The following TEX14 variants were observed in gnomAD, a reference collection of about 807,000 sequenced individuals.
TEX14 encodes testis expressed 14, intercellular bridge forming factor.
TEX14 carries 168 observed loss-of-function variants against 178.6 expected under a neutral mutation model. The observed-to-expected ratio is 0.94, with a 90% CI of 0.83 to 1.07. TEX14 has a LOEUF of 1.07. Among genes scored for constraint, TEX14 ranks in the 50% least tolerant of loss-of-function variants. The probability of loss-of-function intolerance (pLI) is 0.00; values close to 1 mark genes in which losing one functional copy is unlikely to be tolerated. For missense variants in TEX14, 1,730 were observed against 1,753.6 expected (o/e 0.99, Z 0.24); for synonymous variants, 626 against 634.1 (o/e 0.99, Z 0.19).
rs1439145962 is a variant in TEX14 at position 58,622,860 on chromosome 17, T to A, written c.404A>T (p.Glu135Val). Residue 135 changes from glutamate to valine, a missense_variant, in exon 4 of 32, where the codon GAG becomes GTG. Glu to Val is a moderately radical substitution (Grantham distance 121). Coordinates refer to ENST00000349033, the MANE Select transcript of TEX14 (RefSeq NM_031272.5). ...PKTWALTAGK[E>V]RSTQIVEFMQ... ...ACCCACCCTTACCTGGGTGCTACGC[T>A]CCTTTCCTGCTGTCAAAGCCCAAGT... 4 of 1,609,764 alleles carry A rather than the reference T, an allele frequency of 2.5e-6. No individual in the cohort carries two copies. In the South Asian group the frequency reaches 4.4e-5, roughly 18 times the overall value.
chr17:58,631,962 C>T (rs1418262421), intron 2 of TEX14: 1 of 152,194 alleles, frequency 6.6e-6, no homozygotes, highest in Non-Finnish European at 1.5e-5. Context: ...AACGATCTTT[C>T]CACTACCAAA....
chr17:58,630,218 G>T (rs984264196), intron 3 of TEX14, among the ~76,000 whole-genome samples: 1 of 148,462 alleles, frequency 6.7e-6, no homozygotes, highest in African/African-American at 2.4e-5. Context: ...CACCACGCCT[G>T]GCTAATTTTT....
chr17:58,605,211 A>G (rs1598379514), intron 10 of TEX14, 82 bp from the exon 11 acceptor site: 1 of 1,484,454 alleles, frequency 6.7e-7, no homozygotes, highest in Non-Finnish European at 9.1e-7. Flanking sequence ...TCTTTCATTC[A>G]TTCAGAGTCT....
At chr17:58,638,144 AGCCACTGC>A (rs1351317037) in intron 2 of TEX14, among the ~76,000 whole-genome samples, 1 of 151,732 alleles carries the variant, frequency 6.6e-6, no homozygotes, top group Admixed American at 6.6e-5. Context: ...TACAGGTGTG[AGCCACTGC>A]GCCTGGCCTG....
chr17:58,612,040 T>C (rs1052772829), intron 9 of TEX14, among the ~76,000 whole-genome samples: 7 of 152,054 alleles, frequency 4.6e-5, no homozygotes, highest in Non-Finnish European at 1.0e-4. Context: ...AAAACCTAAA[T>C]ACTCCAAGAG....
At chr17:58,563,658 T>TATAG (rs1351647352) in intron 28 of TEX14, among the ~76,000 whole-genome samples, 26 of 17,446 alleles carry the variant, frequency 1.5e-3, no homozygotes, top group East Asian at 3.9e-3. Context: ...TATATATATA[T>TATAG]AGAGAGAGAG....
chr17:58,676,944 C>T (rs553453644), intron 1 of TEX14, among the ~76,000 whole-genome samples: 1 of 152,172 alleles, frequency 6.6e-6, no homozygotes, highest in East Asian at 1.9e-4. Flanking sequence ...TGGCGAAACC[C>T]CGTCTCTACT....
intron 17 of TEX14, 135 bp downstream of exon 17, chr17:58,587,446 A>G: frequency 1.9e-6 from 1 of 531,400 alleles, no homozygotes; most frequent in Non-Finnish European, 3.2e-6. Context: ...AAATATAATA[A>G]AAGAAAAAAA....
At chr17:58,570,181 CAT>C (rs2044488712) in intron 25 of TEX14, among the ~76,000 whole-genome samples, 1 of 151,286 alleles carries the variant, frequency 6.6e-6, no homozygotes, top group African/African-American at 2.4e-5. Flanking sequence ...AAAAAAAGTA[CAT>C]GAGGTTAAAA....
intron 8 of TEX14, among the ~76,000 whole-genome samples, chr17:58,614,089 G>A (rs1445964369): frequency 6.6e-6 from 1 of 152,234 alleles, no homozygotes; most frequent in Non-Finnish European, 1.5e-5. Flanking sequence ...CAATGACAAT[G>A]TGGCCAAGAG....
chr17:58,583,988 T>C (rs1401268096), intron 19 of TEX14, among the ~76,000 whole-genome samples: 2 of 152,130 alleles, frequency 1.3e-5, no homozygotes, highest in Non-Finnish European at 2.9e-5. Flanking sequence ...TGGCCTAGAG[T>C]GTGTTAAAGC....
rs1567986584 is a variant in TEX14, at chr17:58,559,440, C to A, written c.4267+13G>T. On this transcript the variant is annotated intron_variant, in intron 30 of 31. Coordinates refer to ENST00000349033, the MANE Select transcript of TEX14 (RefSeq NM_031272.5). Reference sequence around the variant, plus strand: ...GACTACAGACTACATTATAAACATACATTAATTCATACCTTCTTCAGAAGT... The same window carrying A: ...GACTACAGACTACATTATAAACATAAATTAATTCATACCTTCTTCAGAAGT... 3 of 1,137,344 alleles carry A rather than the reference C, an allele frequency of 2.6e-6. No individual in the cohort carries two copies. Among genetic ancestry groups the A allele is most frequent in the Non-Finnish European group, 4.0e-6 (3 of 753,506 alleles). 70.5% of individuals were successfully genotyped at this position (1,137,344 alleles called of 1,614,324 possible). A position where few individuals can be genotyped will look rare whatever the true frequency, so the allele number is the denominator to read the frequency against.
chr17:58,633,858 C>T (rs2144590156), intron 2 of TEX14, among the ~76,000 whole-genome samples: 1 of 151,720 alleles, frequency 6.6e-6, no homozygotes, highest in African/African-American at 2.4e-5. Context: ...GTCCCAGCTA[C>T]TCAGGAGGCT....
intron 10 of TEX14, among the ~76,000 whole-genome samples, chr17:58,606,445 G>A (rs2045608676): frequency 1.3e-5 from 2 of 152,160 alleles, no homozygotes; most frequent in African/African-American, 4.8e-5. Context: ...GATTTTAGAC[G>A]ATGAGATGGG....
At chr17:58,616,402 A>G in intron 6 of TEX14, 97 bp from the exon 7 acceptor site, 1 of 1,464,102 alleles carries the variant, frequency 6.8e-7, no homozygotes, top group Non-Finnish European at 9.1e-7. Context: ...GAGAGCTGCT[A>G]TTTATCAACT....
At chr17:58,634,854 A>G (rs937695012) in intron 2 of TEX14, among the ~76,000 whole-genome samples, 3 of 151,840 alleles carry the variant, frequency 2.0e-5, no homozygotes, top group African/African-American at 7.3e-5. Context: ...GTCTCCAGCC[A>G]GGCATGGTGG....
Position 58,585,981 on chromosome 17 carries a change from C to A in TEX14, c.2890G>T (p.Glu964Ter). The change falls in exon 18 of 32, where the codon GAG becomes TAG. Residue 964 changes from glutamate to a stop codon, truncating the protein, a stop_gained. Coordinates refer to ENST00000349033, the MANE Select transcript of TEX14 (RefSeq NM_031272.5). LOFTEE classifies it high-confidence loss of function. ...SLTLESEAEN[E>*]PDALLQPPIR... ...GGGGGCTGCAGCAGGGCGTCGGGCTCATTTTCAGCCTCGCTCTCTAAAGTC... is the reference window on the plus strand; with the variant it reads ...GGGGGCTGCAGCAGGGCGTCGGGCTAATTTTCAGCCTCGCTCTCTAAAGTC... 1 of 1,614,120 alleles carries A rather than the reference C, an allele frequency of 6.2e-7. No individual in the cohort carries two copies. Among genetic ancestry groups the A allele is most frequent in the Non-Finnish European group, 8.5e-7 (1 of 1,180,026 alleles).
chr17:58,625,343 C>T (rs980450829), intron 3 of TEX14, among the ~76,000 whole-genome samples: 1 of 152,076 alleles, frequency 6.6e-6, no homozygotes, highest in Non-Finnish European at 1.5e-5. Flanking sequence ...TCATGTTGGC[C>T]AGGCTGGTCT....
At chr17:58,647,019 C>G (rs1405723478) in intron 2 of TEX14, among the ~76,000 whole-genome samples, 5 of 151,986 alleles carry the variant, frequency 3.3e-5, no homozygotes, top group African/African-American at 1.2e-4. Context: ...GATTCTCCTG[C>G]CTCAGCCTCC....
Sources: gnomAD v4.1 joint callset for allele counts (sites outside exome capture counted in the v4.1 genomes callset) on GRCh38, gnomAD v4.1.1 for gene constraint, MANE v1.5 for transcripts, NCBI Gene and HGNC (gene_info 2026-07-23, HGNC 2026-07-21) for gene names.